EBF1: variants seen among roughly 807,000 people sequenced by gnomAD.
EBF1 encodes the protein EBF transcription factor 1, also known as transcription factor COE1.
Under a neutral mutation model 68.4 loss-of-function variants are expected in EBF1, and 10 were observed. That is an observed-to-expected ratio of 0.15 (90% CI 0.09 to 0.25). The LOEUF is 0.25. Ranked by LOEUF, EBF1 falls within the 10% of genes least tolerant of loss-of-function variation. The pLI is 1.00. For synonymous variants in EBF1, 298 were observed against 299.8 expected, an observed-to-expected ratio of 0.99 and a Z score of 0.06; for missense variants, 509 against 794.4, an observed-to-expected ratio of 0.64 and a Z score of 4.32.
At chr5:159,000,714 T>G (rs1242762408) in intron 6 of EBF1, among the ~76,000 whole-genome samples, 1 of 152,174 alleles carries the variant, frequency 6.6e-6, no homozygotes, top group Non-Finnish European at 1.5e-5. Context: ...TTAATGAACA[T>G]AAATCGTTGA....
intron 11 of EBF1, among the ~76,000 whole-genome samples, chr5:158,721,362 C>T (rs866466345): frequency 9.9e-5 from 15 of 151,902 alleles, no homozygotes; most frequent in Non-Finnish European, 1.8e-4. Context: ...TACTAACTTA[C>T]GTGATTGACT....
intron 6 of EBF1, among the ~76,000 whole-genome samples, chr5:159,018,332 T>C (rs763582031): frequency 1.3e-5 from 2 of 152,214 alleles, no homozygotes; most frequent in Non-Finnish European, 2.9e-5. Flanking sequence ...GGGTATAAGA[T>C]AAAACTTCAG....
At chr5:158,984,107 C>A (rs1758469103) in intron 6 of EBF1, among the ~76,000 whole-genome samples, 2 of 152,096 alleles carry the variant, frequency 1.3e-5, no homozygotes, top group South Asian at 4.1e-4. Flanking sequence ...AAGAGTAAAA[C>A]AGAATCTCAA....
chr5:158,964,903 C>T (rs1753805322), intron 6 of EBF1, among the ~76,000 whole-genome samples: 1 of 152,134 alleles, frequency 6.6e-6, no homozygotes, highest in Non-Finnish European at 1.5e-5. Flanking sequence ...AACAAATCAT[C>T]AAGATGTGTA....
At chr5:158,950,293 A>G (rs755360748) in intron 6 of EBF1, among the ~76,000 whole-genome samples, 3 of 152,218 alleles carry the variant, frequency 2.0e-5, no homozygotes, top group Non-Finnish European at 2.9e-5. Flanking sequence ...TGTACCCAAG[A>G]AAAGGTGCTC....
chr5:159,096,664 CG>C (rs1003336741), intron 2 of EBF1: 27 of 605,596 alleles, frequency 4.5e-5, no homozygotes, highest in African/African-American at 7.4e-5. Flanking sequence ...GCTCGTGCCC[CG>C]GCCACCAGAG....
At chr5:159,011,688 TC>T (rs1357056345) in intron 6 of EBF1, among the ~76,000 whole-genome samples, 3 of 152,172 alleles carry the variant, frequency 2.0e-5, no homozygotes, top group Non-Finnish European at 4.4e-5. Flanking sequence ...AACCCCCCCT[TC>T]TCTGACTGCT....
chr5:158,938,392 A>G (rs1253167516), intron 6 of EBF1, among the ~76,000 whole-genome samples: 3 of 152,180 alleles, frequency 2.0e-5, no homozygotes, highest in Non-Finnish European at 4.4e-5. Context: ...TTTTCCAAAC[A>G]AGCTATGTTC....
At chr5:158,714,019 G>A (rs749155713) in intron 12 of EBF1, 98 bp downstream of exon 12, 4 of 1,269,342 alleles carry the variant, frequency 3.2e-6, no homozygotes, top group Admixed American at 1.7e-5. Context: ...TCATGCACAT[G>A]GCTTTTATAT....
At chr5:158,858,690 GCC>G (rs1039821715) in intron 6 of EBF1, among the ~76,000 whole-genome samples, 3 of 152,038 alleles carry the variant, frequency 2.0e-5, no homozygotes, top group Admixed American at 6.6e-5. Flanking sequence ...TATCTCTGTT[GCC>G]CCTAAAAACA....
At chr5:159,003,361 A>C (rs1204390808) in intron 6 of EBF1, among the ~76,000 whole-genome samples, 1 of 152,178 alleles carries the variant, frequency 6.6e-6, no homozygotes, top group Non-Finnish European at 1.5e-5. Flanking sequence ...TAATGTGCTA[A>C]TGACAATAAT....
chr5:158,892,197 A>G (rs1220773283), intron 6 of EBF1, among the ~76,000 whole-genome samples: 3 of 152,154 alleles, frequency 2.0e-5, no homozygotes, highest in African/African-American at 4.8e-5. Context: ...TCCCTAATCC[A>G]AAAATCTGAG....
intron 6 of EBF1, among the ~76,000 whole-genome samples, chr5:159,031,251 A>C (rs1286654350): frequency 1.3e-5 from 2 of 152,212 alleles, no homozygotes; most frequent in African/African-American, 2.4e-5. Flanking sequence ...GGGCCTAAAC[A>C]ACATTTGGAG....
At chr5:158,852,680 A>G (rs1247434212) in intron 6 of EBF1, among the ~76,000 whole-genome samples, 13 of 152,236 alleles carry the variant, frequency 8.5e-5, no homozygotes, top group Non-Finnish European at 2.9e-5. Flanking sequence ...GAAGAAATTT[A>G]TCATTTTGAA....
chr5:158,905,732 C>T (rs879935585), intron 6 of EBF1, among the ~76,000 whole-genome samples: 10 of 152,166 alleles, frequency 6.6e-5, no homozygotes, highest in Admixed American at 1.3e-4. Flanking sequence ...TTGAAATATG[C>T]ATCACCGAAG....
chr5:159,018,088 C>A (rs1056989962), intron 6 of EBF1, among the ~76,000 whole-genome samples: 2 of 152,018 alleles, frequency 1.3e-5, no homozygotes, highest in African/African-American at 2.4e-5. Flanking sequence ...CCTCTTCTCT[C>A]TCTCCCTCAC....
chr5:158,896,420 T>C (rs1199900738), intron 6 of EBF1, among the ~76,000 whole-genome samples: 1 of 152,230 alleles, frequency 6.6e-6, no homozygotes, highest in Non-Finnish European at 1.5e-5. Flanking sequence ...GTTCATTCAA[T>C]AATAGTAATC....
intron 6 of EBF1, among the ~76,000 whole-genome samples, chr5:158,969,081 C>A (rs1297801628): frequency 6.6e-6 from 1 of 152,144 alleles, no homozygotes; most frequent in Non-Finnish European, 1.5e-5. Flanking sequence ...GCAGGCAGAT[C>A]ACTTGAGGTC....
intron 7 of EBF1, among the ~76,000 whole-genome samples, chr5:158,828,024 TGTTAAA>T (rs1238813406): frequency 1.3e-5 from 2 of 152,164 alleles, no homozygotes; most frequent in African/African-American, 4.8e-5. Context: ...AGGAAATCAG[TGTTAAA>T]GTTAGTCTGT....
Sources: allele counts gnomAD v4.1 joint callset (sites outside exome capture counted in the v4.1 genomes callset), GRCh38; gene constraint gnomAD v4.1.1; transcripts MANE v1.5; gene names NCBI Gene and HGNC (gene_info 2026-07-23, HGNC 2026-07-21).